MAP4K4: variants seen among roughly 807,000 people sequenced by gnomAD.
MAP4K4 encodes HPK/GCK-like kinase HGK.
A neutral mutation model predicts 189.6 loss-of-function variants in MAP4K4; 38 were observed. The ratio of observed to expected loss-of-function variants is 0.20; its 90% CI spans 0.15 to 0.26. The LOEUF (loss-of-function observed/expected upper bound fraction) is 0.26, where lower values mean the gene tolerates loss of function less well. Ranked by LOEUF, MAP4K4 falls within the 10% of genes least tolerant of loss-of-function variation. The probability of loss-of-function intolerance (pLI) is 1.00; values close to 1 mark genes in which losing one functional copy is unlikely to be tolerated. For synonymous variants in MAP4K4, 610 were observed against 624.3 expected (o/e 0.98, Z 0.34); for missense variants, 1,054 against 1,726.9 (o/e 0.61, Z 6.91).
At chr2:101,889,120 A>G (rs1488684570) in intron 32 of MAP4K4, among the ~76,000 whole-genome samples, 185 bp downstream of exon 32, 1 of 152,180 alleles carries the variant, frequency 6.6e-6, no homozygotes, top group African/African-American at 2.4e-5. Context: ...ATGAGGGGAT[A>G]GAGATATTTT....
intron 2 of MAP4K4, among the ~76,000 whole-genome samples, chr2:101,742,895 A>G (rs917353205): frequency 6.6e-6 from 1 of 152,212 alleles, no homozygotes; most frequent in Non-Finnish European, 1.5e-5. Flanking sequence ...TAGAAGTCTG[A>G]AAGAGCAAAC....
rs1023936564 is a variant in MAP4K4 at position 101,731,209 on chromosome 2, C to T, written c.123+32671C>T. Among the ~76,000 whole-genome samples, 88 of 151,830 alleles carry T rather than the reference C, an allele frequency of 5.8e-4. 3 individuals are homozygous for T. Among genetic ancestry groups the T allele is most frequent in the Non-Finnish European group, 6.2e-4 (42 of 67,976 alleles). ...TCGGCTCACTGCAACCTCCGCCCCC[C>T]AGATTCAAGTGATTCTATTGCCTCA... On this transcript the variant is annotated intron_variant, in intron 2 of 32. Transcript: ENST00000324219.
chr2:101,823,294 G>A (rs994191568), intron 3 of MAP4K4, among the ~76,000 whole-genome samples: 9 of 152,260 alleles, frequency 5.9e-5, no homozygotes, highest in African/African-American at 1.9e-4. Flanking sequence ...TAGGAGAGGA[G>A]CCAAGTCTGA....
intron 29 of MAP4K4, among the ~76,000 whole-genome samples, chr2:101,885,689 T>A (rs918344609): frequency 1.3e-5 from 2 of 152,228 alleles, no homozygotes; most frequent in Non-Finnish European, 2.9e-5. Context: ...AAATACTAAT[T>A]AAAAATTAAA....
At chr2:101,754,964 C>G (rs2071530596) in intron 2 of MAP4K4, among the ~76,000 whole-genome samples, 1 of 152,144 alleles carries the variant, frequency 6.6e-6, no homozygotes, top group Non-Finnish European at 1.5e-5. Flanking sequence ...GGTGAAGTAA[C>G]ATGATATGAT....
intron 2 of MAP4K4, among the ~76,000 whole-genome samples, chr2:101,730,583 A>G (rs541588854): frequency 1.4e-4 from 21 of 152,140 alleles, no homozygotes; most frequent in Non-Finnish European, 2.6e-4. Flanking sequence ...CTCTGGTGGG[A>G]TGAATGCCCA....
intron 12 of MAP4K4, among the ~76,000 whole-genome samples, chr2:101,848,607 G>A (rs546599320): frequency 1.3e-5 from 2 of 152,284 alleles, no homozygotes; most frequent in African/African-American, 4.8e-5. Flanking sequence ...CAGGCCCACT[G>A]GGGTTGGGGA....
At chr2:101,762,085 G>A (rs1275954293) in intron 2 of MAP4K4, among the ~76,000 whole-genome samples, 1 of 152,200 alleles carries the variant, frequency 6.6e-6, no homozygotes, top group East Asian at 1.9e-4. Flanking sequence ...TCTATTCCAA[G>A]TAGGGTTGTT....
At chr2:101,870,472 C>T (rs1360968403) in intron 23 of MAP4K4, 57 bp downstream of exon 23, 3 of 1,599,614 alleles carry the variant, frequency 1.9e-6, no homozygotes, top group Non-Finnish European at 2.6e-6. Context: ...CATTAACCCA[C>T]TTGCTCATTC....
chr2:101,872,408 G>T (rs912751206), intron 24 of MAP4K4, among the ~76,000 whole-genome samples: 1 of 152,094 alleles, frequency 6.6e-6, no homozygotes, highest in Non-Finnish European at 1.5e-5. Context: ...TGTGGTGCTC[G>T]GTCTGGGTGT....
chr2:101,768,391 C>T (rs1391212521), intron 2 of MAP4K4, among the ~76,000 whole-genome samples: 3 of 152,224 alleles, frequency 2.0e-5, no homozygotes, highest in African/African-American at 7.2e-5. Flanking sequence ...GAAGACAAAG[C>T]TCTCAAGGAG....
At chr2:101,713,348 A>G (rs951293658) in intron 2 of MAP4K4, among the ~76,000 whole-genome samples, 5 of 152,090 alleles carry the variant, frequency 3.3e-5, no homozygotes, top group African/African-American at 4.8e-5. Context: ...TAGTCCCAGC[A>G]CTTTGGGAGG....
chr2:101,824,412 C>T (rs957320671), intron 4 of MAP4K4, among the ~76,000 whole-genome samples: 1 of 152,190 alleles, frequency 6.6e-6, no homozygotes, highest in South Asian at 2.1e-4. Flanking sequence ...GTAAATTGAG[C>T]TTACCACTTG....
chr2:101,864,340 A>G (rs2097758474), intron 17 of MAP4K4, among the ~76,000 whole-genome samples: 1 of 152,206 alleles, frequency 6.6e-6, no homozygotes, highest in African/African-American at 2.4e-5. Flanking sequence ...CTATTTTAGC[A>G]GTTTTTTATA....
chr2:101,741,448 G>A (rs374582159), intron 2 of MAP4K4, among the ~76,000 whole-genome samples: 10 of 152,070 alleles, frequency 6.6e-5, no homozygotes, highest in African/African-American at 2.2e-4. Flanking sequence ...GATTACAGGC[G>A]TGAACCACCG....
At chr2:101,717,665 CAAGCCATTTGTTTCT>C (rs1381853604) in intron 2 of MAP4K4, among the ~76,000 whole-genome samples, 1 of 152,126 alleles carries the variant, frequency 6.6e-6, no homozygotes, top group Non-Finnish European at 1.5e-5. Context: ...CTGCAGTGCG[CAAGCCATTTGTTTCT>C]GGAAACAGTC....
intron 2 of MAP4K4, among the ~76,000 whole-genome samples, chr2:101,771,714 C>T (rs575910478): frequency 6.6e-6 from 1 of 152,176 alleles, no homozygotes; most frequent in Non-Finnish European, 1.5e-5. Context: ...ATTAATGAGG[C>T]CAGATTGATC....
rs530797187 is a variant in MAP4K4, at chr2:101,725,416, A to C, written c.123+26878A>C. 2.6e-3 allele frequency among the ~76,000 whole-genome samples: 391 copies of C among 151,982 alleles called. 1 individual carries two copies. Among genetic ancestry groups the C allele is most frequent in the African/African-American group, 7.4e-3 (307 of 41,508 alleles). On this transcript the variant is annotated intron_variant, in intron 2 of 32. Coordinates refer to ENST00000324219, the Ensembl canonical transcript of MAP4K4. ...AAAAAAAAAACAAAAACAAAAAAAA[A>C]CCAAAAAACAAAACATATGTTTTGT... is the stretch of plus-strand genomic sequence containing the variant.
chr2:101,871,635 A>G, exon 24 of MAP4K4: 1 of 1,536,584 alleles, frequency 6.5e-7, no homozygotes, highest in Non-Finnish European at 8.7e-7. Flanking sequence ...CAGCCAGCCG[A>G]CACCCACCAT....
Sources: gnomAD v4.1 joint callset for allele counts (sites outside exome capture counted in the v4.1 genomes callset) on GRCh38, gnomAD v4.1.1 for gene constraint, MANE v1.5 for transcripts, NCBI Gene and HGNC (gene_info 2026-07-23, HGNC 2026-07-21) for gene names.